The following LAMB2 variants were observed in gnomAD, a reference collection of about 807,000 sequenced individuals.
LAMB2 encodes the protein laminin subunit beta 2.
LAMB2 carries 119 observed loss-of-function variants against 202.7 expected under a neutral mutation model. The observed-to-expected ratio is 0.59, with a 90% CI of 0.51 to 0.68. LAMB2 has a LOEUF of 0.68. Ranked by LOEUF, LAMB2 falls within the 30% of genes least tolerant of loss-of-function variation. The pLI, the probability that LAMB2 is intolerant of heterozygous loss-of-function variation, is 0.00. For synonymous variants in LAMB2, 818 were observed against 902.2 expected, an observed-to-expected ratio of 0.91 and a Z score of 1.67; for missense variants, 2,124 against 2,410.6, an observed-to-expected ratio of 0.88 and a Z score of 2.49.
intron 16 of LAMB2, 96 bp downstream of exon 16, chr3:49,126,269 G>A: frequency 6.2e-7 from 1 of 1,604,656 alleles, no homozygotes; most frequent in South Asian, 1.1e-5. Flanking sequence ...CACCACCATG[G>A]GCCTGCCTCT....
rs1468839843 is a variant in LAMB2 at position 49,121,709 on chromosome 3, T to G, written c.5075A>C (p.Gln1692Pro). The change falls in exon 30 of 32, where the codon CAG becomes CCG. Residue 1692 changes from glutamine (Q) to proline (P), a missense_variant. Around this residue, in one of 3 missense-constraint regions of LAMB2, gnomAD observed 1,702 missense variants for 1,896.3 expected, o/e 0.90. Coordinates refer to ENST00000305544, the MANE Select transcript of LAMB2 (RefSeq NM_002292.4). ...STAEETAGSA[Q>P]GRAQEAEQLL... ...CTGCTCAGCCTCCTGGGCACGACCC[T>G]GGGCACTGCCTGCCGTTTCTTCTGC... The G allele has an allele frequency of 1.2e-6, 2 of 1,614,026 alleles. No homozygotes were observed. The highest frequency in any genetic ancestry group is 1.6e-4 in the Middle Eastern group (1 of 6,062).
At position 49,125,862 on chromosome 3, in the gene LAMB2, C is replaced by T. The variant is rs1478443594; in HGVS notation, c.2373G>A (p.Leu791=). The T allele has an allele frequency of 8.7e-6, 14 of 1,614,128 alleles. No homozygotes were observed. Among genetic ancestry groups the T allele is most frequent in the Admixed American group, 6.7e-5 (4 of 60,024 alleles). ...CACCATGAGGGTTGCACTCAGAACT[C>T]AGTGAACCTTGAGGGTTGCACTGAC... ...LPCQCNPQGS[L]SSECNPHGGQ... The change falls in exon 18 of 32, where the codon CTG becomes CTA. Residue 791 remains leucine, a synonymous_variant. Transcript: ENST00000305544.
rs1165886852 is a variant in LAMB2 at position 49,130,253 on chromosome 3, C to A, written c.1203G>T (p.Leu401=). Residue 401 remains leucine (L), a synonymous_variant, in exon 9 of 32, where the codon CTG becomes CTT. Coordinates refer to ENST00000305544, the MANE Select transcript of LAMB2 (RefSeq NM_002292.4). The surrounding 1 kb of genome is among the most constrained non-coding windows in gnomAD (Gnocchi z 5.0). Reference sequence around the variant, plus strand: ...CACAGCGGCACACAGCCGGATCCCGCAGGTCCTTGGTTGGGTCACGGTAGA... The same window carrying A: ...CACAGCGGCACACAGCCGGATCCCGAAGGTCCTTGGTTGGGTCACGGTAGA... ...PFFYRDPTKD[L]RDPAVCRSCD... is the part of the protein sequence containing the mutation. 1.2e-6 allele frequency: 2 copies of A among 1,614,236 alleles called. No homozygotes were observed. Among genetic ancestry groups the A allele is most frequent in the South Asian group, 1.1e-5 (1 of 91,090 alleles).
chr3:49,127,813 G>A (rs1255948121), intron 15 of LAMB2, among the ~76,000 whole-genome samples: 1 of 151,846 alleles, frequency 6.6e-6, no homozygotes, highest in Non-Finnish European at 1.5e-5. Context: ...AAGGTCAGAA[G>A]ATCGAGGCCA....
intron 15 of LAMB2, among the ~76,000 whole-genome samples, chr3:49,127,450 C>T (rs1560074629): frequency 6.6e-6 from 1 of 152,186 alleles, no homozygotes; most frequent in East Asian, 1.9e-4. Context: ...AATCCCAGCA[C>T]TTTGGGAGGC....
chr3:49,129,828 G>A lies in LAMB2; in HGVS notation c.1405+11C>T. On this transcript the variant is annotated intron_variant, in intron 10 of 31. Coordinates refer to ENST00000305544, the MANE Select transcript of LAMB2 (RefSeq NM_002292.4). This position sits in a 1 kb window ranked among gnomAD's most constrained non-coding sequence, Gnocchi z 6.1. ...AAGGTCAGCATAGAAGTTAGGGCAGGAGACACATACGCCGGCAGCCCAGAC... is the reference window on the plus strand; with the variant it reads ...AAGGTCAGCATAGAAGTTAGGGCAGAAGACACATACGCCGGCAGCCCAGAC... The A allele has an allele frequency of 6.2e-7, 1 of 1,613,756 alleles. No homozygotes were observed. The highest frequency in any genetic ancestry group is 8.5e-7 in the Non-Finnish European group (1 of 1,179,980).
rs775246296 is a variant in LAMB2 at position 49,132,857 on chromosome 3, G to T, written c.11C>A (p.Thr4Asn). The change falls in exon 1 of 32, where the codon ACC becomes AAC. Residue 4 changes from threonine (T) to asparagine (N), a missense_variant. By Grantham distance (65) the Thr-to-Asn change is moderately conservative (BLOSUM62 0). Around this residue, in one of 3 missense-constraint regions of LAMB2, gnomAD observed 166 missense variants for 158.2 expected, o/e 1.05. Transcript: ENST00000305544. The surrounding 1 kb of genome is among the most constrained non-coding windows in gnomAD (Gnocchi z 4.6). Reference protein sequence around the residue: MELTSRERGRGQPL... With the variant: MELNSRERGRGQPL... ...CTGTCCCCTCCCTCTTTCCCTTGAG[G>T]TCAGCTCCATCCTGAAGAGGGGAAC... 5 of 1,614,110 alleles carry T rather than the reference G, an allele frequency of 3.1e-6. No homozygotes were observed. Among genetic ancestry groups the T allele is most frequent in the Non-Finnish European group, 4.2e-6 (5 of 1,180,010 alleles).
Position 49,133,005 on chromosome 3 carries a change from C to G in LAMB2, c.-138G>C. ...CCAGGCCCTCTGTCAGTTCCCAGGT[C>G]TGTCCAGCGGTCCCTCCGACAGCTT... On this transcript the variant is annotated 5_prime_UTR_variant, in exon 1 of 32. Transcript: ENST00000305544. The G allele has an allele frequency of 1.3e-6, 1 of 756,566 alleles. No homozygotes were observed. Among genetic ancestry groups the G allele is most frequent in the South Asian group, 1.6e-5 (1 of 62,748 alleles). 46.9% of individuals were successfully genotyped at this position (756,566 alleles called of 1,614,324 possible).
Position 49,125,170 on chromosome 3 carries a change from C to G in LAMB2, c.2721-1G>C, listed in dbSNP as rs2045398175. On this transcript the variant is annotated splice_acceptor_variant, in intron 19 of 31. Coordinates refer to ENST00000305544, the MANE Select transcript of LAMB2 (RefSeq NM_002292.4). LOFTEE classifies it high-confidence loss of function. ...GTCCCCGTGGAAACCAGCAATGCAC[C>G]TGCAGGGAGGAGGAAGAAGAAATGT... 6.2e-7 allele frequency: 1 copy of G among 1,613,596 alleles called. No homozygotes were observed. Among genetic ancestry groups the G allele is most frequent in the Non-Finnish European group, 8.5e-7 (1 of 1,179,924 alleles).
Position 49,130,628 on chromosome 3 carries a change from C to A in LAMB2, c.1036+112G>T. 6.5e-7 allele frequency: 1 copy of A among 1,540,930 alleles called. No individual in the cohort carries two copies. The highest frequency in any genetic ancestry group is 8.9e-7 in the Non-Finnish European group (1 of 1,123,716). ...CCCAAGGGGCATCAAGGTCTGCATA[C>A]TCTTTGGATACAGCCTGGGTTTTAG... On this transcript the variant is annotated intron_variant, in intron 8 of 31. Coordinates refer to ENST00000305544, the MANE Select transcript of LAMB2 (RefSeq NM_002292.4). The surrounding 1 kb of genome is among the most constrained non-coding windows in gnomAD (Gnocchi z 5.0).
chr3:49,121,208 G>A lies in LAMB2; in HGVS notation c.*18C>T, dbSNP rs780491748. 6.2e-7 allele frequency: 1 copy of A among 1,612,056 alleles called. No homozygotes were observed. The highest frequency in any genetic ancestry group is 2.2e-5 in the East Asian group (1 of 44,882). ...ATGTGGGGCAGTGCTAGGAACTGGG[G>A]TAGGCCTTGGGCAGGGGTCACTGGC... On this transcript the variant is annotated 3_prime_UTR_variant, in exon 32 of 32. Transcript: ENST00000305544.
chr3:49,121,641 TC>T, intron 30 of LAMB2, 42 bp downstream of exon 30: 1 of 1,613,988 alleles, frequency 6.2e-7, no homozygotes, highest in Non-Finnish European at 8.5e-7. Context: ...TGGAGGCCCA[TC>T]TTCCACCCCT....
Position 49,131,285 on chromosome 3 carries a change from C to T in LAMB2, c.712+94G>A. ...CACCCGAGCTAAACTGGGCTTGGCA[C>T]CTGCCCTAGGAAGCACCCAAAATAG... On this transcript the variant is annotated intron_variant, in intron 6 of 31. Transcript: ENST00000305544. This position sits in a 1 kb window ranked among gnomAD's most constrained non-coding sequence, Gnocchi z 5.0. 1.3e-6 allele frequency: 2 copies of T among 1,502,940 alleles called. No homozygotes were observed. The highest frequency in any genetic ancestry group is 1.8e-6 in the Non-Finnish European group (2 of 1,088,766). The allele number at this position is 1,502,940 out of a possible 1,614,324, so 93.1% of individuals were successfully genotyped here. A position where few individuals can be genotyped will look rare whatever the true frequency, so the allele number is the denominator to read the frequency against.
Position 49,121,981 on chromosome 3 carries a change from A to G in LAMB2, c.4886T>C (p.Val1629Ala). ...CTGCTCTGTGTCCCGTGTGTCAGCCACTGCCCCCCGGATGGCACCCTGGGC... is the reference window on the plus strand; with the variant it reads ...CTGCTCTGTGTCCCGTGTGTCAGCCGCTGCCCCCCGGATGGCACCCTGGGC... ...GIAQGAIRGA[V>A]ADTRDTEQTL... Residue 1629 changes from valine (V) to alanine (A), a missense_variant, in exon 29 of 32, where the codon GTG becomes GCG. Val to Ala is a moderately conservative substitution (Grantham distance 64). Around this residue, in one of 3 missense-constraint regions of LAMB2, gnomAD observed 1,702 missense variants for 1,896.3 expected, o/e 0.90. Transcript: ENST00000305544. 1 of 1,613,948 alleles carries G rather than the reference A, an allele frequency of 6.2e-7. No individual in the cohort carries two copies. The highest frequency in any genetic ancestry group is 1.1e-5 in the South Asian group (1 of 91,090).
At position 49,126,397 on chromosome 3, in the gene LAMB2, G is replaced by A; in HGVS notation, c.2119C>T (p.Pro707Ser). The A allele has an allele frequency of 6.2e-7, 1 of 1,614,146 alleles. No individual in the cohort carries two copies. Among genetic ancestry groups the A allele is most frequent in the South Asian group, 1.1e-5 (1 of 91,080 alleles). Reference sequence around the variant, plus strand: ...ATGAGCAGGCCAGGTCCAGAGTAGGGAGTCTCAGGCTGGGCACTTCCCCCT... The same window carrying A: ...ATGAGCAGGCCAGGTCCAGAGTAGGAAGTCTCAGGCTGGGCACTTCCCCCT... ...RTGGSAQPET[P>S]YSGPGLLIDS... The change falls in exon 16 of 32, where the codon CCC becomes TCC. Residue 707 changes from proline (P) to serine (S), a missense_variant. Transcript: ENST00000305544.
Position 49,122,759 on chromosome 3 carries a change from T to G in LAMB2, c.4518A>C (p.Glu1506Asp). The G allele has an allele frequency of 6.2e-7, 1 of 1,614,128 alleles. No individual in the cohort carries two copies. The highest frequency in any genetic ancestry group is 8.5e-7 in the Non-Finnish European group (1 of 1,180,018). The change falls in exon 27 of 32, where the codon GAA becomes GAC. Residue 1506 changes from glutamate to aspartate, a missense_variant. Glu to Asp is a conservative substitution (Grantham distance 45, BLOSUM62 2). Coordinates refer to ENST00000305544, the MANE Select transcript of LAMB2 (RefSeq NM_002292.4). ...GTTCTTGAAGTTCCTGGTTGGCCTG[T>G]TCCACCTGTCCCCTGGAAGCATTAG... is the stretch of plus-strand genomic sequence containing the variant. ...DKANASRGQVEQANQELQELI... is the reference protein window; with the variant it reads ...DKANASRGQVDQANQELQELI...
Position 49,126,421 on chromosome 3 carries a change from C to G in LAMB2, c.2095G>C (p.Gly699Arg), listed in dbSNP as rs28364667. 2.8e-4 allele frequency: 450 copies of G among 1,614,210 alleles called. 4 individuals are homozygous for G. In the East Asian group the frequency reaches 8.5e-3, roughly 31 times the overall value. ...YKLHLKLVRT[G>R]GSAQPETPYS... is the part of the protein sequence containing the mutation. ...GGAGTCTCAGGCTGGGCACTTCCCC[C>G]TGTCCGTACCAGCTTCAGATGCAGC... Residue 699 changes from glycine to arginine, a missense_variant, in exon 16 of 32, where the codon GGG becomes CGG. Physicochemically the swap from Gly to Arg is moderately radical, Grantham distance 125. Coordinates refer to ENST00000305544, the MANE Select transcript of LAMB2 (RefSeq NM_002292.4).
rs2045378636 is a variant in LAMB2, at chr3:49,123,760, A to T, written c.3765T>A (p.Thr1255=). The change falls in exon 24 of 32, where the codon ACT becomes ACA. Residue 1255 remains threonine (T), a synonymous_variant. Coordinates refer to ENST00000305544, the MANE Select transcript of LAMB2 (RefSeq NM_002292.4). ...VGARNTSAAS[T]AQLVEATEEL... ...CCTCTGTGGCCTCCACAAGCTGTGC[A>T]GTGGAGGCGGCTGAGGTGTTGCGGG... is the stretch of plus-strand genomic sequence containing the variant. The T allele has an allele frequency of 6.2e-6, 10 of 1,613,422 alleles. No individual in the cohort carries two copies. Among genetic ancestry groups the T allele is most frequent in the Non-Finnish European group, 8.5e-6 (10 of 1,180,028 alleles).
chr3:49,128,052 A>G (rs1310626561), intron 15 of LAMB2, among the ~76,000 whole-genome samples: 2 of 150,740 alleles, frequency 1.3e-5, no homozygotes, highest in Non-Finnish European at 3.0e-5. Flanking sequence ...AAAGAAAAGA[A>G]AAAAAAAAGA....
Sources: allele counts gnomAD v4.1 joint callset (sites outside exome capture counted in the v4.1 genomes callset), GRCh38; gene constraint gnomAD v4.1.1; regional missense constraint gnomAD v4.1.1; non-coding constraint Gnocchi (gnomAD v3.1); transcripts MANE v1.5; gene names NCBI Gene and HGNC (gene_info 2026-07-23, HGNC 2026-07-21).